Variants in CACNA1E observed in about 807,000 individuals in gnomAD.
The protein encoded by CACNA1E is calcium voltage-gated channel subunit alpha1 E.
A neutral mutation model predicts 259.2 loss-of-function variants in CACNA1E; 40 were observed. The observed-to-expected ratio is 0.15, with a 90% CI of 0.12 to 0.20. CACNA1E has a LOEUF of 0.20. CACNA1E is among the 10% of genes least tolerant of loss of function. The pLI is 1.00. For missense variants in CACNA1E, 1,874 were observed against 3,040.1 expected (o/e 0.62, Z 9.02); for synonymous variants, 1,104 against 1,138.5 (o/e 0.97, Z 0.61).
intron 7 of CACNA1E, among the ~76,000 whole-genome samples, chr1:181,666,354 A>G (rs1191699566): frequency 1.3e-5 from 2 of 152,180 alleles, no homozygotes; most frequent in African/African-American, 4.8e-5. Flanking sequence ...AGCAGGGAAC[A>G]AAACAAAAAT....
chr1:181,687,563 A>T (rs969841647), intron 7 of CACNA1E, among the ~76,000 whole-genome samples: 1 of 152,152 alleles, frequency 6.6e-6, no homozygotes, highest in Non-Finnish European at 1.5e-5. Flanking sequence ...GCACATGGTG[A>T]GGGAAAAATA....
chr1:181,772,981 GAAT>G (rs1250584561), intron 37 of CACNA1E, among the ~76,000 whole-genome samples: 1 of 152,112 alleles, frequency 6.6e-6, no homozygotes, highest in Non-Finnish European at 1.5e-5. Flanking sequence ...GTGATAAATA[GAAT>G]AATAAAAGGG....
Position 181,718,068 on chromosome 1 carries a change from T to A in CACNA1E, c.1539T>A (p.Phe513Leu). 1 of 1,583,016 alleles carries A rather than the reference T, an allele frequency of 6.3e-7. No homozygotes were observed. The highest frequency in any genetic ancestry group is 8.7e-7 in the Non-Finnish European group (1 of 1,152,062). Reference protein sequence around the residue: ...WLTHLLYYAEFLFLGLFLLEM... With the variant: ...WLTHLLYYAELLFLGLFLLEM... ...TAATACTTCCAGACTATGCAGAATTTCTGTTTCTGGGACTCTTCCTCTTGG... is the reference window on the plus strand; with the variant it reads ...TAATACTTCCAGACTATGCAGAATTACTGTTTCTGGGACTCTTCCTCTTGG... Residue 513 changes from phenylalanine (F) to leucine (L), a missense_variant, in exon 12 of 48, where the codon TTT (phenylalanine) becomes TTA (leucine). Physicochemically the swap from Phe to Leu is conservative, Grantham distance 22. Transcript: ENST00000367573.
At chr1:181,782,813 AC>A (rs1660537564) in intron 39 of CACNA1E, among the ~76,000 whole-genome samples, 1 of 152,184 alleles carries the variant, frequency 6.6e-6, no homozygotes, top group African/African-American at 2.4e-5. Flanking sequence ...ATCCAAAAGT[AC>A]CAGGTGGTAG....
intron 3 of CACNA1E, among the ~76,000 whole-genome samples, chr1:181,516,094 G>T (rs1666562988): frequency 6.6e-6 from 1 of 152,076 alleles, no homozygotes; most frequent in African/African-American, 2.4e-5. Context: ...TCAATTTCTA[G>T]GCCATTAAGC....
At chr1:181,623,082 C>T (rs774527609) in intron 6 of CACNA1E, among the ~76,000 whole-genome samples, 1 of 152,186 alleles carries the variant, frequency 6.6e-6, no homozygotes, top group Non-Finnish European at 1.5e-5. Context: ...TCATCAGCTG[C>T]AATTGAAGTC....
chr1:181,628,800 C>G (rs935962476), intron 6 of CACNA1E, among the ~76,000 whole-genome samples: 1 of 152,176 alleles, frequency 6.6e-6, no homozygotes, highest in African/African-American at 2.4e-5. Flanking sequence ...TTAACTTTCC[C>G]TGTAATTTCA....
chr1:181,781,307 G>A, intron 38 of CACNA1E, 120 bp from the exon 39 acceptor site: 1 of 638,114 alleles, frequency 1.6e-6, no homozygotes, highest in Non-Finnish European at 2.9e-6. Flanking sequence ...TTGCTCTCTG[G>A]GAATGCCTAT....
intron 3 of CACNA1E, among the ~76,000 whole-genome samples, chr1:181,553,841 A>G (rs1299559911): frequency 1.3e-5 from 2 of 152,188 alleles, no homozygotes; most frequent in African/African-American, 4.8e-5. Flanking sequence ...CTGGCATCCC[A>G]GGGATAAAGC....
chr1:181,745,992 T>A (rs914987909), intron 25 of CACNA1E, among the ~76,000 whole-genome samples: 2 of 152,082 alleles, frequency 1.3e-5, no homozygotes, highest in African/African-American at 4.8e-5. Context: ...GAGGAGCTCG[T>A]TGAGGTCCAT....
chr1:181,807,794 G>C lies in CACNA1E; in HGVS notation c.*8960G>C, dbSNP rs1359614479. The C allele has an allele frequency of 6.6e-6, 1 of 151,908 alleles. No individual in the cohort carries two copies. Among genetic ancestry groups the C allele is most frequent in the Admixed American group, 6.6e-5 (1 of 15,246 alleles). The allele number at this position is 151,908 out of a possible 1,614,324, so 9.4% of individuals were successfully genotyped here. On this transcript the variant is annotated 3_prime_UTR_variant, in exon 48 of 48. Transcript: ENST00000367573. ...CTCAGGGAGGTCTAGGTCCTTGCAG[G>C]CTGGATTTTAGAAATTTCTAAGATT...
chr1:181,612,787 C>T (rs6659139), intron 6 of CACNA1E, among the ~76,000 whole-genome samples: 9,609 of 152,256 alleles, frequency 0.063, 404 homozygotes, highest in African/African-American at 0.12. Context: ...TTTTTGAGTA[C>T]ACATATAACT....
chr1:181,706,415 G>A (rs1652804105), intron 7 of CACNA1E, among the ~76,000 whole-genome samples: 3 of 152,026 alleles, frequency 2.0e-5, no homozygotes, highest in Admixed American at 2.0e-4. Flanking sequence ...GAGCCTGATG[G>A]GCATGTTAAA....
intron 44 of CACNA1E, among the ~76,000 whole-genome samples, chr1:181,790,908 G>T (rs1661246708): frequency 6.6e-6 from 1 of 152,216 alleles, no homozygotes; most frequent in Non-Finnish European, 1.5e-5. Flanking sequence ...GAGAATGAGT[G>T]ACACCAACCC....
At chr1:181,620,438 C>A (rs1002073572) in intron 6 of CACNA1E, among the ~76,000 whole-genome samples, 1 of 152,204 alleles carries the variant, frequency 6.6e-6, no homozygotes, top group Non-Finnish European at 1.5e-5. Context: ...CAATTGAATT[C>A]ATTTCTTGTT....
At position 181,694,554 on chromosome 1, in the gene CACNA1E, C is replaced by T. The variant is rs13375265; in HGVS notation, c.1056-16400C>T. ...TGAATTCATCCCACTTTCCCATGCT[C>T]TGTTGCATAGGCTTTGCCATTACAC... On this transcript the variant is annotated intron_variant, in intron 7 of 47. Coordinates refer to ENST00000367573, the MANE Select transcript of CACNA1E (RefSeq NM_001205293.3). Among the ~76,000 whole-genome samples the T allele has an allele frequency of 9.0e-3, 1,370 of 152,298 alleles. 22 individuals carry two copies. Among genetic ancestry groups the T allele is most frequent in the African/African-American group, 0.031 (1,284 of 41,562 alleles).
chr1:181,605,134 C>T (rs950495417), intron 6 of CACNA1E, among the ~76,000 whole-genome samples: 3 of 152,086 alleles, frequency 2.0e-5, no homozygotes, highest in Admixed American at 6.5e-5. Context: ...CATGCATGCT[C>T]ATACATTCAC....
At chr1:181,620,840 G>A (rs1055651050) in intron 6 of CACNA1E, among the ~76,000 whole-genome samples, 3 of 152,172 alleles carry the variant, frequency 2.0e-5, no homozygotes, top group Non-Finnish European at 4.4e-5. Context: ...GCTGACCTTT[G>A]AGGAGTGGGA....
chr1:181,732,766 C>G lies in CACNA1E; in HGVS notation c.2680C>G (p.Pro894Ala). Residue 894 changes from proline to alanine, a missense_variant, in exon 20 of 48, where the codon CCG becomes GCG. This residue lies in a region of CACNA1E where 476 missense variants were observed against 514.0 expected (regional missense o/e 0.93). Coordinates refer to ENST00000367573, the MANE Select transcript of CACNA1E (RefSeq NM_001205293.3). The surrounding 1 kb of genome is among the most constrained non-coding windows in gnomAD (Gnocchi z 5.5). ...LARPCHGNCD[P>A]TQQEAGGGEA... is the part of the protein sequence containing the mutation. ...CAGGCCCTGTCATGGAAACTGTGAC[C>G]CGACTCAGCAGGAGGCAGGGGGAGG... The G allele has an allele frequency of 6.3e-7, 1 of 1,576,140 alleles. No homozygotes were observed. Among genetic ancestry groups the G allele is most frequent in the South Asian group, 1.2e-5 (1 of 83,284 alleles).
Sources: allele counts gnomAD v4.1 joint callset (sites outside exome capture counted in the v4.1 genomes callset), GRCh38; gene constraint gnomAD v4.1.1; regional missense constraint gnomAD v4.1.1; non-coding constraint Gnocchi (gnomAD v3.1); transcripts MANE v1.5; gene names NCBI Gene and HGNC (gene_info 2026-07-23, HGNC 2026-07-21).